The following TANC2 variants were observed in gnomAD, a reference collection of about 807,000 sequenced individuals.
TANC2 encodes protein TANC2.
A neutral mutation model predicts 210.5 loss-of-function variants in TANC2; 26 were observed. The observed-to-expected ratio is 0.12, with a 90% confidence interval of 0.09 to 0.17. The LOEUF is 0.17. Ranked by LOEUF, TANC2 falls within the 10% of genes least tolerant of loss-of-function variation. The pLI, the probability that TANC2 is intolerant of heterozygous loss-of-function variation, is 1.00. For missense variants in TANC2, 2,129 were observed against 2,608.9 expected (o/e 0.82, Z 4.01); for synonymous variants, 931 against 967.1 (o/e 0.96, Z 0.69).
intron 14 of TANC2, among the ~76,000 whole-genome samples, chr17:63,367,692 G>A (rs2047150080): frequency 6.6e-6 from 1 of 152,156 alleles, no homozygotes; most frequent in Admixed American, 6.6e-5. Context: ...AGGCAGAAAG[G>A]AAAAGGTAAT....
intron 5 of TANC2, among the ~76,000 whole-genome samples, chr17:63,173,850 T>A (rs541592591): frequency 2.6e-5 from 4 of 152,200 alleles, no homozygotes; most frequent in African/African-American, 9.6e-5. Flanking sequence ...TATAAAAAAA[T>A]TAAGTGATGT....
At chr17:63,365,669 C>T (rs1377210097) in intron 14 of TANC2, among the ~76,000 whole-genome samples, 5 of 152,072 alleles carry the variant, frequency 3.3e-5, no homozygotes, top group African/African-American at 1.2e-4. Flanking sequence ...AATTTTCTGC[C>T]AGTTTTTAGA....
chr17:63,004,228 C>T (rs74423217), intron 1 of TANC2, among the ~76,000 whole-genome samples: 4,500 of 152,212 alleles, frequency 0.03, 83 homozygotes, highest in South Asian at 0.037. Flanking sequence ...TTTTGAGGGG[C>T]GCCATCTCAG....
intron 9 of TANC2, among the ~76,000 whole-genome samples, chr17:63,280,297 G>A (rs986964718): frequency 1.3e-5 from 2 of 151,958 alleles, no homozygotes; most frequent in African/African-American, 4.8e-5. Context: ...AGGATGAAAT[G>A]TACTTTTCAG....
intron 1 of TANC2, among the ~76,000 whole-genome samples, chr17:63,001,715 T>C (rs752100317): frequency 3.2e-4 from 49 of 151,950 alleles, no homozygotes; most frequent in African/African-American, 6.8e-4. Flanking sequence ...CGGCTAACTT[T>C]TTTGTATTTT....
chr17:62,977,001 G>A (rs1426676056), intron 1 of TANC2, among the ~76,000 whole-genome samples: 3 of 152,196 alleles, frequency 2.0e-5, no homozygotes, highest in Admixed American at 6.5e-5. Flanking sequence ...TAAGGTGGAC[G>A]CGTCAGGTTA....
intron 5 of TANC2, among the ~76,000 whole-genome samples, chr17:63,163,345 C>CAACA (rs933523688): frequency 6.6e-6 from 1 of 152,018 alleles, no homozygotes; most frequent in African/African-American, 2.4e-5. Context: ...GGGAGGAAGT[C>CAACA]AACAAACTGA....
intron 9 of TANC2, among the ~76,000 whole-genome samples, chr17:63,300,578 C>A (rs2044680188): frequency 6.6e-6 from 1 of 152,070 alleles, no homozygotes; most frequent in Non-Finnish European, 1.5e-5. Context: ...TGGCTCTCTG[C>A]TTGTCTAATG....
intron 14 of TANC2, among the ~76,000 whole-genome samples, chr17:63,379,228 A>G (rs1275532615): frequency 2.0e-5 from 3 of 152,162 alleles, no homozygotes; most frequent in African/African-American, 7.2e-5. Flanking sequence ...TATACATGTG[A>G]TTTGGATAAG....
intron 2 of TANC2, among the ~76,000 whole-genome samples, chr17:63,031,396 T>A (rs1286943162): frequency 6.6e-6 from 1 of 152,022 alleles, no homozygotes; most frequent in Non-Finnish European, 1.5e-5. Context: ...GAAGAAAAAA[T>A]GATTTTTTTC....
At chr17:63,109,378 A>C (rs376712034) in intron 4 of TANC2, among the ~76,000 whole-genome samples, 1 of 151,674 alleles carries the variant, frequency 6.6e-6, no homozygotes, top group Admixed American at 6.6e-5. Context: ...ATTAGTCACT[A>C]ATCTTTTTAT....
exon 12 of TANC2, chr17:63,340,182 C>T (rs1343347708): frequency 2.5e-6 from 4 of 1,613,934 alleles, no homozygotes; most frequent in Non-Finnish European, 2.5e-6. Context: ...TGCTGCCTTG[C>T]TCTGCCGCTC....
chr17:62,981,924 T>C (rs1025930179), intron 1 of TANC2, among the ~76,000 whole-genome samples: 3 of 152,132 alleles, frequency 2.0e-5, no homozygotes, highest in African/African-American at 7.3e-5. Context: ...TTCTGATGTC[T>C]TCTCCCTGTG....
At chr17:63,209,600 A>T (rs951774839) in intron 7 of TANC2, among the ~76,000 whole-genome samples, 2 of 151,580 alleles carry the variant, frequency 1.3e-5, no homozygotes, top group African/African-American at 4.8e-5. Flanking sequence ...TGCCTGTCTA[A>T]TTTTTTGTTT....
intron 14 of TANC2, among the ~76,000 whole-genome samples, chr17:63,369,368 G>A (rs2047198422): frequency 6.6e-6 from 1 of 152,078 alleles, no homozygotes; most frequent in African/African-American, 2.4e-5. Flanking sequence ...AGCTAGCTGT[G>A]AGTTTGAAAA....
chr17:63,255,895 T>C (rs1292697714), intron 8 of TANC2, among the ~76,000 whole-genome samples: 1 of 147,270 alleles, frequency 6.8e-6, no homozygotes, highest in Admixed American at 6.9e-5. Flanking sequence ...GTTGTTTATT[T>C]GACTTTTCTT....
intron 9 of TANC2, among the ~76,000 whole-genome samples, chr17:63,278,391 T>C (rs937307063): frequency 2.0e-4 from 31 of 152,028 alleles, no homozygotes; most frequent in Admixed American, 1.9e-3. Flanking sequence ...TATCACTTAT[T>C]GTCAGGGAAA....
chr17:63,192,316 A>G (rs918216278), intron 5 of TANC2, among the ~76,000 whole-genome samples: 1 of 152,180 alleles, frequency 6.6e-6, no homozygotes, highest in Non-Finnish European at 1.5e-5. Context: ...TAATATAGCC[A>G]CTCACAGAAG....
exon 6 of TANC2, chr17:63,194,080 A>G (rs1480699706): frequency 1.9e-6 from 3 of 1,613,440 alleles, no homozygotes; most frequent in South Asian, 1.1e-5. Context: ...CCTTGGAGAG[A>G]AAGTCACAGA....
Sources: allele counts gnomAD v4.1 joint callset (sites outside exome capture counted in the v4.1 genomes callset), GRCh38; gene constraint gnomAD v4.1.1; transcripts MANE v1.5; gene names NCBI Gene and HGNC (gene_info 2026-07-23, HGNC 2026-07-21).